PCDH11X: variants seen among roughly 807,000 people sequenced by gnomAD.
PCDH11X encodes protocadherin 11 X-linked, also known as protocadherin-11 X-linked.
Under a neutral mutation model 53.3 loss-of-function variants are expected in PCDH11X, and 18 were observed. That is an observed-to-expected ratio of 0.34 (90% CI 0.23 to 0.50). PCDH11X has a LOEUF of 0.50. PCDH11X is among the 20% of genes least tolerant of loss of function. PCDH11X has a pLI of 0.98. For synonymous variants in PCDH11X, 279 were observed against 393.3 expected (o/e 0.71, Z 3.44); for missense variants, 570 against 1,032.4 (o/e 0.55, Z 6.14).
At chrX:91,953,031 G>A (rs1436993231) in intron 6 of PCDH11X, among the ~76,000 whole-genome samples, 1 of 110,661 alleles carries the variant, frequency 9.0e-6, no homozygotes, top group Non-Finnish European at 1.9e-5. Flanking sequence ...AGAGTAGAAA[G>A]ATGGTTACCA....
intron 6 of PCDH11X, among the ~76,000 whole-genome samples, chrX:92,089,343 T>G (rs1385515067): frequency 9.0e-6 from 1 of 111,036 alleles, no homozygotes; most frequent in Non-Finnish European, 1.9e-5. Flanking sequence ...GTTAAATCAT[T>G]ATTGCTCACA....
intron 10 of PCDH11X, among the ~76,000 whole-genome samples, chrX:92,485,489 T>G (rs6615404): frequency 0.15 from 16,354 of 110,961 alleles, 1,100 homozygotes; most frequent in East Asian, 0.48. Flanking sequence ...ATCTATCTGA[T>G]TCGATGTATT....
At chrX:91,913,662 C>A (rs1468121006) in intron 6 of PCDH11X, among the ~76,000 whole-genome samples, 1 of 111,555 alleles carries the variant, frequency 9.0e-6, no homozygotes. Flanking sequence ...CTCATGGGAG[C>A]TTTATGGCCC....
intron 6 of PCDH11X, among the ~76,000 whole-genome samples, chrX:92,080,851 G>A (rs931129624): frequency 3.1e-4 from 35 of 111,217 alleles, no homozygotes; most frequent in African/African-American, 1.1e-3. Context: ...TATTTGGGTA[G>A]AGAAGTGACT....
chrX:92,395,795 G>C (rs1189764692), intron 9 of PCDH11X, among the ~76,000 whole-genome samples: 2 of 110,360 alleles, frequency 1.8e-5, no homozygotes, highest in Non-Finnish European at 3.8e-5. Context: ...TCTAAAATAA[G>C]AGTCACTAAT....
chrX:92,335,866 G>C (rs1475421473), intron 8 of PCDH11X, among the ~76,000 whole-genome samples: 1 of 111,917 alleles, frequency 8.9e-6, no homozygotes. Flanking sequence ...ATTTACAACA[G>C]TGATCACGAT....
chrX:92,500,349 C>A lies in PCDH11X; in HGVS notation c.3367+32027C>A, dbSNP rs185096747. On this transcript the variant is annotated intron_variant, in intron 10 of 10. Transcript: ENST00000682573. ...CCTACCTTTTTTACCCTTTCCACAA[C>A]ATCAATTTCTACACTTCATCTAGAA... is the stretch of plus-strand genomic sequence containing the variant. 5.3e-3 allele frequency among the ~76,000 whole-genome samples: 591 copies of A among 111,490 alleles called. 3 individuals carry two copies. Among genetic ancestry groups the A allele is most frequent in the Non-Finnish European group, 8.5e-3 (449 of 53,080 alleles).
chrX:91,819,820 C>A (rs868601332), intron 4 of PCDH11X, among the ~76,000 whole-genome samples: 2 of 88,945 alleles, frequency 2.2e-5, no homozygotes, highest in African/African-American at 8.4e-5. Context: ...ATCCCTCCCC[C>A]CTCCCCCAAC....
chrX:91,919,521 A>T (rs754483185), intron 6 of PCDH11X, among the ~76,000 whole-genome samples: 2 of 111,118 alleles, frequency 1.8e-5, no homozygotes, highest in East Asian at 5.7e-4. Context: ...ATATTTGCAT[A>T]TTTTTTTCTT....
intron 6 of PCDH11X, among the ~76,000 whole-genome samples, chrX:92,074,078 T>A (rs2562994): frequency 9.0e-6 from 1 of 110,603 alleles, no homozygotes; most frequent in Non-Finnish European, 1.9e-5. Flanking sequence ...TGTTTATAAA[T>A]GCATGATTTT....
intron 6 of PCDH11X, among the ~76,000 whole-genome samples, chrX:91,905,232 C>G (rs1419346874): frequency 9.2e-6 from 1 of 108,713 alleles, no homozygotes; most frequent in Non-Finnish European, 1.9e-5. Flanking sequence ...CAGGCTCAAC[C>G]TCTTTTACTG....
chrX:92,260,959 T>C (rs1382504252), intron 7 of PCDH11X, among the ~76,000 whole-genome samples: 2 of 111,853 alleles, frequency 1.8e-5, no homozygotes, highest in Admixed American at 1.9e-4. Flanking sequence ...GCAAATATTT[T>C]GTTAATGTAA....
intron 10 of PCDH11X, among the ~76,000 whole-genome samples, chrX:92,527,547 G>A: frequency 9.0e-6 from 1 of 110,777 alleles, no homozygotes; most frequent in Non-Finnish European, 1.9e-5. Context: ...CTTTAGAAAG[G>A]TTATAACTTA....
chrX:92,331,319 C>CTTCTTCTTCTTCTTCTTCTTCTTCTTCT (rs1369843764), intron 8 of PCDH11X, among the ~76,000 whole-genome samples: 79 of 28,697 alleles, frequency 2.8e-3, no homozygotes, highest in African/African-American at 7.5e-3. Flanking sequence ...CTTCTTCTTC[C>CTTCTTCTTCTTCTTCTTCTTCTTCTTCT]TCTTCTTCTT....
chrX:91,903,656 CGT>C (rs61017416), intron 6 of PCDH11X, among the ~76,000 whole-genome samples: 5,308 of 93,692 alleles, frequency 0.057, 137 homozygotes, highest in South Asian at 0.12. Flanking sequence ...CCTCTATGTG[CGT>C]GTGTGTGTGT....
chrX:92,518,992 C>T (rs1482359728), intron 10 of PCDH11X, among the ~76,000 whole-genome samples: 2 of 109,403 alleles, frequency 1.8e-5, no homozygotes, highest in Non-Finnish European at 3.8e-5. Flanking sequence ...CTCCTGACCT[C>T]GTGATCCGCC....
chrX:92,583,897 T>G (rs1418692902), intron 10 of PCDH11X, among the ~76,000 whole-genome samples: 2 of 98,852 alleles, frequency 2.0e-5, no homozygotes, highest in Admixed American at 1.2e-4. Flanking sequence ...TCTAGGTTAT[T>G]AAAAAACTTA....
At chrX:91,884,190 CAAAAAAAAAAAAAAA>C (rs34953838) in intron 6 of PCDH11X, among the ~76,000 whole-genome samples, 2 of 37,753 alleles carry the variant, frequency 5.3e-5, no homozygotes, top group Non-Finnish European at 9.2e-5. Context: ...GACTCCGTCT[CAAAAAAAAAAAAAAA>C]AAAAAAAGAA....
At chrX:92,353,925 G>T in intron 8 of PCDH11X, among the ~76,000 whole-genome samples, 1 of 102,770 alleles carries the variant, frequency 9.7e-6, no homozygotes, top group Non-Finnish European at 2.0e-5. Context: ...ACTGTTAAAT[G>T]AGGTAAAATC....
Sources: gnomAD v4.1 joint callset for allele counts (sites outside exome capture counted in the v4.1 genomes callset) on GRCh38, gnomAD v4.1.1 for gene constraint, MANE v1.5 for transcripts, NCBI Gene and HGNC (gene_info 2026-07-23, HGNC 2026-07-21) for gene names.